The following PLD1 variants were observed in gnomAD, a reference collection of about 807,000 sequenced individuals.
The protein encoded by PLD1 is choline phosphatase 1.
PLD1 carries 112 observed loss-of-function variants against 137.1 expected under a neutral mutation model. That is an observed-to-expected ratio of 0.82 (90% confidence interval 0.70 to 0.96). The LOEUF (loss-of-function observed/expected upper bound fraction) is 0.96. PLD1 is among the 40% of genes least tolerant of loss of function. The pLI is 0.00. For synonymous variants in PLD1, 431 were observed against 454.7 expected (o/e 0.95, Z 0.66); for missense variants, 1,321 against 1,342.0 (o/e 0.98, Z 0.24).
chr3:171,642,757 C>T, intron 23 of PLD1, 83 bp downstream of exon 23: 1 of 764,470 alleles, frequency 1.3e-6, no homozygotes, highest in Middle Eastern at 2.7e-4. Context: ...GTTCTATAAT[C>T]ACACTGTGAA....
intron 1 of PLD1, among the ~76,000 whole-genome samples, chr3:171,764,876 A>AAGGAAGG (rs1721750729): frequency 3.9e-5 from 1 of 25,520 alleles, no homozygotes; most frequent in African/African-American, 1.4e-4. Context: ...AGAAAGAAAG[A>AAGGAAGG]AAGAAAGAAA....
rs1714858577 is a variant in PLD1 at position 171,688,993 on chromosome 3, A to ATAC, written c.1339-118_1339-117insGTA. Reference sequence around the variant, plus strand: ...TTCTATAATTCAAATACCAAACTGTACAACGTATACACCAAAGAAAATAAT... The same window carrying ATAC: ...TTCTATAATTCAAATACCAAACTGTATACCAACGTATACACCAAAGAAAATAAT... On this transcript the variant is annotated intron_variant, in intron 13 of 26. Coordinates refer to ENST00000351298, the MANE Select transcript of PLD1 (RefSeq NM_002662.5). 28 of 705,866 alleles carry ATAC rather than the reference A, an allele frequency of 4.0e-5. No homozygotes were observed. The Admixed American group carries it at 4.9e-4, about 12-fold the overall frequency. The allele number at this position is 705,866 out of a possible 1,614,324, so 43.7% of individuals were successfully genotyped here. A position where few individuals can be genotyped will look rare whatever the true frequency, so the allele number is the denominator to read the frequency against.
chr3:171,707,805 C>A (rs556924770), intron 11 of PLD1, among the ~76,000 whole-genome samples: 15 of 152,198 alleles, frequency 9.9e-5, no homozygotes, highest in African/African-American at 3.6e-4. Flanking sequence ...ATTATCTAGC[C>A]CCAAATGTCA....
intron 8 of PLD1, among the ~76,000 whole-genome samples, chr3:171,718,080 G>A (rs1717807468): frequency 6.6e-6 from 1 of 152,142 alleles, no homozygotes; most frequent in Non-Finnish European, 1.5e-5. Context: ...ACCAAACAGA[G>A]AAGATTCAAA....
At chr3:171,665,527 C>G (rs2108447272) in intron 19 of PLD1, among the ~76,000 whole-genome samples, 1 of 152,136 alleles carries the variant, frequency 6.6e-6, no homozygotes, top group East Asian at 1.9e-4. Context: ...TGGCGAAACC[C>G]CGTCTCTATT....
Position 171,711,167 on chromosome 3 carries a change from CTTTTTTTTTTTTT to C in PLD1, c.912-1471_912-1459del, listed in dbSNP as rs562934959. Among the ~76,000 whole-genome samples, 3 of 94,808 alleles carry C rather than the reference CTTTTTTTTTTTTT, an allele frequency of 3.2e-5. No homozygotes were observed. In the East Asian group the frequency reaches 9.8e-4, roughly 31 times the overall value. The allele number at this position is 94,808 out of a possible 152,430, so 62.2% of individuals were successfully genotyped here. A position where few individuals can be genotyped will look rare whatever the true frequency, so the allele number is the denominator to read the frequency against. On this transcript the variant is annotated intron_variant, in intron 9 of 26. Coordinates refer to ENST00000351298, the MANE Select transcript of PLD1 (RefSeq NM_002662.5). ...TACAGGCATGAGCCACTGTGCCAGC[CTTTTTTTTTTTTT>C]TTTTTTTTTGAAATGGAGTCTTGCT... is the stretch of plus-strand genomic sequence containing the variant.
At chr3:171,693,871 A>C (rs904510093) in intron 12 of PLD1, among the ~76,000 whole-genome samples, 1 of 152,170 alleles carries the variant, frequency 6.6e-6, no homozygotes, top group African/African-American at 2.4e-5. Context: ...AAAATCTTTA[A>C]GATATCTTAC....
rs971481284 is a variant in PLD1, at chr3:171,612,063, C to T, written c.2882+216G>A. Among the ~76,000 whole-genome samples the T allele has an allele frequency of 3.9e-5, 6 of 152,104 alleles. No individual in the cohort carries two copies. Among genetic ancestry groups the T allele is most frequent in the South Asian group, 2.1e-4 (1 of 4,816 alleles). On this transcript the variant is annotated intron_variant, in intron 25 of 26. Transcript: ENST00000351298. The surrounding 1 kb of genome is among the most constrained non-coding windows in gnomAD (Gnocchi z 4.1). The stretch of plus-strand genomic sequence containing the variant: ...CACCACTGCAGTTTTTTCTACTGCA[C>T]GTGACAGTAATAAAAAGCTATTAAA...
At position 171,620,386 on chromosome 3, in the gene PLD1, C is replaced by G. The variant is rs1203355714; in HGVS notation, c.2728G>C (p.Gly910Arg). ...LIADDNTVII[G>R]SANINDRSML... ...ATTATAGACCATATACTGTACTTAC[C>G]AATAATAACAGTGTTATCATCAGCA... The change falls in exon 24 of 27, where the codon GGC becomes CGC. Residue 910 changes from glycine to arginine, a missense_variant and splice_region_variant. Transcript: ENST00000351298. 1.3e-6 allele frequency: 2 copies of G among 1,587,638 alleles called. No homozygotes were observed. The highest frequency in any genetic ancestry group is 1.7e-4 in the Middle Eastern group (1 of 5,954).
Position 171,686,765 on chromosome 3 carries a change from A to G in PLD1, c.1787T>C (p.Leu596Ser), listed in dbSNP as rs763791926. The G allele has an allele frequency of 6.2e-7, 1 of 1,600,438 alleles. No individual in the cohort carries two copies. Among genetic ancestry groups the G allele is most frequent in the South Asian group, 1.1e-5 (1 of 90,810 alleles). ...GAAGTGGGGTTTTAAACCATGGATT[A>G]AATTGTGATGACTTCTATAGTGATT... is the stretch of plus-strand genomic sequence containing the variant. ...YFNHYRSHHN[L>S]IHGLKPHFKL... Residue 596 changes from leucine to serine, a missense_variant, in exon 16 of 27, where the codon TTA becomes TCA. Coordinates refer to ENST00000351298, the MANE Select transcript of PLD1 (RefSeq NM_002662.5).
chr3:171,602,858 GC>G lies in PLD1; in HGVS notation c.*219del. On this transcript the variant is annotated 3_prime_UTR_variant, in exon 27 of 27. Coordinates refer to ENST00000351298, the MANE Select transcript of PLD1 (RefSeq NM_002662.5). The stretch of plus-strand genomic sequence containing the variant: ...AGTACATGCTACCAACAAGAATGCA[GC>G]CCCCTTTTTACAAGTTAGGCAGAAG... The G allele has an allele frequency of 1.8e-6, 1 of 566,274 alleles. No individual in the cohort carries two copies. Among genetic ancestry groups the G allele is most frequent in the Admixed American group, 3.1e-5 (1 of 32,324 alleles). The allele number at this position is 566,274 out of a possible 1,614,324, so 35.1% of individuals were successfully genotyped here. A position where few individuals can be genotyped will look rare whatever the true frequency, so the allele number is the denominator to read the frequency against.
chr3:171,650,345 G>A (rs1736622827), intron 21 of PLD1, among the ~76,000 whole-genome samples: 1 of 152,162 alleles, frequency 6.6e-6, no homozygotes. Context: ...GGAGCATGTC[G>A]TTCAGCAGCT....
At chr3:171,624,274 A>T (rs542321512) in intron 23 of PLD1, among the ~76,000 whole-genome samples, 59 of 152,296 alleles carry the variant, frequency 3.9e-4, no homozygotes, top group African/African-American at 1.3e-3. Flanking sequence ...AAAGATATCC[A>T]TCTTGACTCA....
Position 171,686,689 on chromosome 3 carries a change from A to T in PLD1, c.1863T>A (p.His621Gln). The T allele has an allele frequency of 6.5e-7, 1 of 1,527,512 alleles. No homozygotes were observed. The highest frequency in any genetic ancestry group is 9.0e-7 in the Non-Finnish European group (1 of 1,109,756). The allele number at this position is 1,527,512 out of a possible 1,614,324, so 94.6% of individuals were successfully genotyped here. ...SESEQGLTRP[H>Q]ADTGSIRSLQ... The stretch of plus-strand genomic sequence containing the variant: ...GCCACTTCACAAATTACTTACCAGC[A>T]TGAGGTCTAGTGAGTCCTTGCTCAG... Residue 621 changes from histidine to glutamine, a missense_variant, in exon 16 of 27, where the codon CAT becomes CAA. By Grantham distance (24) the His-to-Gln change is conservative (BLOSUM62 0). Transcript: ENST00000351298.
At chr3:171,708,861 CT>C (rs1560238004) in intron 10 of PLD1, 23 bp from the exon 11 acceptor site, 26 of 1,388,860 alleles carry the variant, frequency 1.9e-5, no homozygotes, top group Non-Finnish European at 2.6e-5. Context: ...TTTATTGTTC[CT>C]TTTTGTTATT....
At chr3:171,785,440 ATTTT>A (rs11325787) in intron 1 of PLD1, among the ~76,000 whole-genome samples, 6 of 140,478 alleles carry the variant, frequency 4.3e-5, no homozygotes, top group Non-Finnish European at 4.6e-5. Context: ...TCCAGTGTCT[ATTTT>A]TTTTTTTTTT....
intron 1 of PLD1, among the ~76,000 whole-genome samples, chr3:171,755,849 A>T (rs1720987133): frequency 6.6e-6 from 1 of 152,136 alleles, no homozygotes; most frequent in Non-Finnish European, 1.5e-5. Context: ...GAACTTCCCC[A>T]CTGGGTGATC....
intron 19 of PLD1, among the ~76,000 whole-genome samples, chr3:171,665,651 A>T (rs1712044743): frequency 6.6e-6 from 1 of 151,966 alleles, no homozygotes; most frequent in African/African-American, 2.4e-5. Context: ...AGTGAGCCGA[A>T]ATCATAGCAT....
intron 25 of PLD1, among the ~76,000 whole-genome samples, chr3:171,609,505 A>ACAC (rs1732474092): frequency 1.6e-5 from 2 of 124,104 alleles, no homozygotes; most frequent in African/African-American, 6.3e-5. Context: ...TTACATAAAG[A>ACAC]AAACACACAC....
Sources: gnomAD v4.1 joint callset for allele counts (sites outside exome capture counted in the v4.1 genomes callset) on GRCh38, gnomAD v4.1.1 for gene constraint, Gnocchi (gnomAD v3.1) non-coding constraint, MANE v1.5 for transcripts, NCBI Gene and HGNC (gene_info 2026-07-23, HGNC 2026-07-21) for gene names.